The following POLDIP3 variants were observed in gnomAD, a reference collection of about 807,000 sequenced individuals.
POLDIP3 encodes the protein polymerase delta-interacting protein 3.
Under a neutral mutation model 45.1 loss-of-function variants are expected in POLDIP3, and 14 were observed. The observed-to-expected ratio is 0.31, with a 90% CI of 0.20 to 0.49. The LOEUF is 0.49. Ranked by LOEUF, POLDIP3 falls within the 20% of genes least tolerant of loss-of-function variation. The pLI is 0.99. For missense variants in POLDIP3, 511 were observed against 538.8 expected (o/e 0.95, Z 0.51); for synonymous variants, 223 against 205.2 (o/e 1.09, Z -0.74).
In POLDIP3 at chr22:42,602,019, T is replaced by A; in HGVS notation, c.488A>T (p.His163Leu). ...QQKAMAPLHP[H>L]PAGMRINVVN... ...AACATTGATTCTCATTCCGGCAGGA[T>A]GGGGATGAAGTGGTGCCATGGCTTT... is the stretch of plus-strand genomic sequence containing the variant. The change falls in exon 3 of 9, where the codon CAT becomes CTT. Residue 163 changes from histidine to leucine, a missense_variant. Transcript: ENST00000252115. 1 of 1,614,062 alleles carries A rather than the reference T, an allele frequency of 6.2e-7. No homozygotes were observed. The highest frequency in any genetic ancestry group is 8.5e-7 in the Non-Finnish European group (1 of 1,179,974).
chr22:42,587,373 G>A (rs754675181), intron 8 of POLDIP3, 133 bp downstream of exon 8: 26 of 932,502 alleles, frequency 2.8e-5, no homozygotes, highest in Admixed American at 4.4e-5. Flanking sequence ...CATATGAAAC[G>A]GCCAGCTGCC....
intron 7 of POLDIP3, among the ~76,000 whole-genome samples, chr22:42,589,441 C>T (rs1241255793): frequency 1.3e-5 from 2 of 152,090 alleles, no homozygotes; most frequent in African/African-American, 4.8e-5. Context: ...AACAATCAAA[C>T]ATATATGCAA....
At chr22:42,606,806 T>A (rs1926758348) in intron 1 of POLDIP3, among the ~76,000 whole-genome samples, 1 of 152,140 alleles carries the variant, frequency 6.6e-6, no homozygotes, top group South Asian at 2.1e-4. Context: ...ATTGTTCACA[T>A]CTTATAAATG....
Position 42,608,258 on chromosome 22 carries a change from C to CG in POLDIP3, c.60-5099_60-5098insC, listed in dbSNP as rs986823104. ...TGCTGTTAATCTATAACCTTACCCC[C>CG]CCCCCCAAAAAAAAATTAGCTGCAA... On this transcript the variant is annotated intron_variant, in intron 1 of 8. Transcript: ENST00000252115. Among the ~76,000 whole-genome samples, 6 of 129,998 alleles carry CG rather than the reference C, an allele frequency of 4.6e-5. 1 individual carries two copies. Among genetic ancestry groups the CG allele is most frequent in the African/African-American group, 1.9e-4 (6 of 31,118 alleles). The allele number at this position is 129,998 out of a possible 152,430, so 85.3% of individuals were successfully genotyped here. A position where few individuals can be genotyped will look rare whatever the true frequency, so the allele number is the denominator to read the frequency against.
In POLDIP3 at chr22:42,603,312, A is replaced by G. The variant is rs560378537; in HGVS notation, c.60-152T>C. The G allele has an allele frequency of 4.5e-5, 35 of 769,966 alleles. 1 individual carries two copies. In the South Asian group the frequency reaches 5.1e-4, roughly 11 times the overall value. The allele number at this position is 769,966 out of a possible 1,614,324, so 47.7% of individuals were successfully genotyped here. On this transcript the variant is annotated intron_variant, in intron 1 of 8. Coordinates refer to ENST00000252115, the MANE Select transcript of POLDIP3 (RefSeq NM_032311.5). ...TGATTGAATAAACGATTATGCCTAC[A>G]TGATGACTCCTTTCCTGGTTTCATG...
At chr22:42,586,693 C>T (rs1374751633) in intron 8 of POLDIP3, among the ~76,000 whole-genome samples, 2 of 152,180 alleles carry the variant, frequency 1.3e-5, no homozygotes, top group African/African-American at 4.8e-5. Context: ...ATCCAAATCA[C>T]ATAATTCATT....
intron 8 of POLDIP3, 102 bp from the exon 9 acceptor site, chr22:42,586,070 T>A: frequency 2.7e-6 from 3 of 1,108,512 alleles, no homozygotes; most frequent in South Asian, 1.6e-5. Flanking sequence ...AGGCACTGGG[T>A]GTAACACTTT....
At chr22:42,596,614 C>G (rs891743872) in intron 4 of POLDIP3, among the ~76,000 whole-genome samples, 1 of 152,204 alleles carries the variant, frequency 6.6e-6, no homozygotes, top group Non-Finnish European at 1.5e-5. Context: ...GCTAGAAGCT[C>G]TTGGCAGGAA....
At chr22:42,607,174 C>A (rs1173479821) in intron 1 of POLDIP3, among the ~76,000 whole-genome samples, 1 of 152,216 alleles carries the variant, frequency 6.6e-6, no homozygotes, top group East Asian at 1.9e-4. Context: ...CGAGGCTGGA[C>A]TGTACTGCCG....
intron 4 of POLDIP3, among the ~76,000 whole-genome samples, chr22:42,599,463 G>C (rs1436190497): frequency 6.6e-6 from 1 of 152,218 alleles, no homozygotes; most frequent in Non-Finnish European, 1.5e-5. Flanking sequence ...AATTAGCTGG[G>C]CGTGGCGGCA....
chr22:42,614,273 G>GCTCAGAAAACTTAAAACGCCGCA (rs1927319445), intron 1 of POLDIP3, among the ~76,000 whole-genome samples: 1 of 152,228 alleles, frequency 6.6e-6, no homozygotes, highest in Non-Finnish European at 1.5e-5. Flanking sequence ...ATATGAAAGG[G>GCTCAGAAAACTTAAAACGCCGCA]CTCAGAAAAC....
At chr22:42,613,032 C>T (rs1362810134) in intron 1 of POLDIP3, among the ~76,000 whole-genome samples, 1 of 152,170 alleles carries the variant, frequency 6.6e-6, no homozygotes, top group African/African-American at 2.4e-5. Flanking sequence ...GCCCCACCTA[C>T]TGCCCAACAC....
intron 1 of POLDIP3, among the ~76,000 whole-genome samples, chr22:42,608,174 A>C (rs1183666880): frequency 6.6e-6 from 1 of 152,210 alleles, no homozygotes; most frequent in Non-Finnish European, 1.5e-5. Flanking sequence ...GTGTAGAAAG[A>C]AGTAGACGTG....
chr22:42,614,395 T>C lies in POLDIP3; in HGVS notation c.59+404A>G, dbSNP rs553252001. ...GCAAGTCACTTCCCCGCTACTAAAC[T>C]TCGGTTGTCTCAACTCTAAGATGGG... is the stretch of plus-strand genomic sequence containing the variant. On this transcript the variant is annotated intron_variant, in intron 1 of 8. Transcript: ENST00000252115. Among the ~76,000 whole-genome samples, 5 of 152,176 alleles carry C rather than the reference T, an allele frequency of 3.3e-5. No individual in the cohort carries two copies. The East Asian group carries it at 9.7e-4, about 29-fold the overall frequency.
chr22:42,587,691 C>A (rs1351546744), intron 7 of POLDIP3, 119 bp from the exon 8 acceptor site: 8 of 936,888 alleles, frequency 8.5e-6, no homozygotes, highest in Non-Finnish European at 8.5e-6. Context: ...AGTTCTGGCT[C>A]CACAGATGGA....
In POLDIP3 at chr22:42,602,957, T is replaced by G. The variant is rs749030790; in HGVS notation, c.263A>C (p.Lys88Thr). 1.2e-6 allele frequency: 2 copies of G among 1,614,086 alleles called. No homozygotes were observed. Among genetic ancestry groups the G allele is most frequent in the Non-Finnish European group, 1.7e-6 (2 of 1,180,018 alleles). ...CTCTCTGGCATCCTGCACTTTCCCT[T>G]TGATTCGAAATCGGGCATCTTTCTG... ...LLQKDARFRI[K>T]GKVQDAREML... The change falls in exon 2 of 9, where the codon AAA (lysine) becomes ACA (threonine). Residue 88 changes from lysine (K) to threonine (T), a missense_variant. Lys to Thr is a moderately conservative substitution (Grantham distance 78, BLOSUM62 -1). This residue lies in a region of POLDIP3 where 378 missense variants were observed against 352.3 expected (regional missense o/e 1.07). Transcript: ENST00000252115.
At chr22:42,586,974 G>A (rs1422176163) in intron 8 of POLDIP3, among the ~76,000 whole-genome samples, 1 of 152,196 alleles carries the variant, frequency 6.6e-6, no homozygotes, top group East Asian at 1.9e-4. Flanking sequence ...TGGGCGTGAT[G>A]GTGTGCGCCT....
At chr22:42,613,269 ACAGT>A (rs1927239488) in intron 1 of POLDIP3, among the ~76,000 whole-genome samples, 1 of 152,234 alleles carries the variant, frequency 6.6e-6, no homozygotes, top group Non-Finnish European at 1.5e-5. Flanking sequence ...GAGAGCTTTC[ACAGT>A]CAGTAGTTGA....
At chr22:42,600,027 T>C (rs1371322303) in intron 3 of POLDIP3, among the ~76,000 whole-genome samples, 1 of 152,158 alleles carries the variant, frequency 6.6e-6, no homozygotes, top group Non-Finnish European at 1.5e-5. Context: ...GAAGTCCCTT[T>C]TTCCCAGTGG....
Sources: allele counts gnomAD v4.1 joint callset (sites outside exome capture counted in the v4.1 genomes callset), GRCh38; gene constraint gnomAD v4.1.1; regional missense constraint gnomAD v4.1.1; transcripts MANE v1.5; gene names NCBI Gene and HGNC (gene_info 2026-07-23, HGNC 2026-07-21).